The following PRELID2 variants were observed in gnomAD, a reference collection of about 807,000 sequenced individuals.
PRELID2 encodes PRELI domain-containing protein 2.
A neutral mutation model predicts 28.4 loss-of-function variants in PRELID2; 25 were observed. That is an observed-to-expected ratio of 0.88 (90% CI 0.64 to 1.23). The LOEUF (loss-of-function observed/expected upper bound fraction) is 1.23. Among genes scored for constraint, PRELID2 ranks in the 50% most tolerant of loss-of-function variants. The pLI is 0.00. For synonymous variants in PRELID2, 76 were observed against 71.6 expected (o/e 1.06, Z -0.31); for missense variants, 201 against 214.4 (o/e 0.94, Z 0.39).
chr5:145,344,973 G>C, the PRELID2 span, among the ~76,000 whole-genome samples: 1 of 151,920 alleles, frequency 6.6e-6, no homozygotes, highest in African/African-American at 2.4e-5. Context: ...TCAAGTTAGA[G>C]TCTCCTTTTA....
intron 1 of PRELID2, among the ~76,000 whole-genome samples, chr5:145,698,043 C>T (rs1318895739): frequency 6.6e-6 from 1 of 151,750 alleles, no homozygotes; most frequent in Non-Finnish European, 1.5e-5. Context: ...CAATTCAAAA[C>T]ATAAATGCAA....
the PRELID2 span, among the ~76,000 whole-genome samples, chr5:145,395,798 T>G: frequency 1.1e-4 from 16 of 152,092 alleles, no homozygotes; most frequent in Admixed American, 9.2e-4. Context: ...TGGCTTGGAG[T>G]CATGGAGCCT....
chr5:145,713,478 C>G (rs1452966870), intron 1 of PRELID2, among the ~76,000 whole-genome samples: 2 of 142,448 alleles, frequency 1.4e-5, no homozygotes, highest in Admixed American at 7.1e-5. Context: ...TATACACACA[C>G]TATATATATA....
intron 1 of PRELID2, among the ~76,000 whole-genome samples, chr5:145,652,170 T>C (rs1231248753): frequency 1.3e-5 from 2 of 152,010 alleles, no homozygotes; most frequent in African/African-American, 4.8e-5. Context: ...GAAGATCAAA[T>C]GAATGAAATT....
At chr5:145,598,344 T>A (rs1269082614) in intron 1 of PRELID2, among the ~76,000 whole-genome samples, 1 of 152,118 alleles carries the variant, frequency 6.6e-6, no homozygotes, top group East Asian at 1.9e-4. Context: ...AGTAATAGGG[T>A]GCTGCTGAAC....
At chr5:145,574,503 G>A (rs62392716) in intron 1 of PRELID2, among the ~76,000 whole-genome samples, 1 of 152,152 alleles carries the variant, frequency 6.6e-6, no homozygotes, top group South Asian at 2.1e-4. Context: ...GATGGCACTG[G>A]TGCTAGTGAA....
At chr5:145,237,513 A>G in the PRELID2 span, among the ~76,000 whole-genome samples, 3 of 152,236 alleles carry the variant, frequency 2.0e-5, no homozygotes, top group South Asian at 6.2e-4. Flanking sequence ...AAATTGGCAT[A>G]ATCAATTATT....
At chr5:145,360,337 C>G in the PRELID2 span, among the ~76,000 whole-genome samples, 1 of 152,024 alleles carries the variant, frequency 6.6e-6, no homozygotes, top group Admixed American at 6.6e-5. Context: ...ACAGAGAAGA[C>G]AGAAAAGGCA....
chr5:145,237,577 C>T, the PRELID2 span, among the ~76,000 whole-genome samples: 2 of 152,206 alleles, frequency 1.3e-5, no homozygotes, highest in East Asian at 3.9e-4. Flanking sequence ...GACACGTTTG[C>T]TGGTCTAAAG....
chr5:145,433,629 C>T, the PRELID2 span, among the ~76,000 whole-genome samples: 2 of 152,142 alleles, frequency 1.3e-5, no homozygotes, highest in South Asian at 2.1e-4. Context: ...GGTACCCTCT[C>T]CTCAGAGGTC....
chr5:145,445,936 CA>C, the PRELID2 span, among the ~76,000 whole-genome samples: 9 of 151,992 alleles, frequency 5.9e-5, no homozygotes, highest in South Asian at 2.1e-4. Context: ...AGTGATTTTA[CA>C]GTGGTAAACA....
At chr5:145,682,826 T>G (rs1754963636) in intron 1 of PRELID2, among the ~76,000 whole-genome samples, 1 of 152,176 alleles carries the variant, frequency 6.6e-6, no homozygotes, top group Non-Finnish European at 1.5e-5. Flanking sequence ...TTTCACCATA[T>G]GCAAAGGGCT....
chr5:145,563,824 T>C (rs987255766), intron 1 of PRELID2, among the ~76,000 whole-genome samples: 4 of 152,322 alleles, frequency 2.6e-5, no homozygotes, highest in South Asian at 2.1e-4. Context: ...TATAGTTACA[T>C]ACAATGAGTA....
chr5:145,616,705 C>T (rs1172748267), intron 1 of PRELID2, among the ~76,000 whole-genome samples: 3 of 152,056 alleles, frequency 2.0e-5, no homozygotes, highest in East Asian at 1.9e-4. Flanking sequence ...GGAGGCAGGG[C>T]GAGATCACAG....
chr5:145,297,028 T>C, the PRELID2 span, among the ~76,000 whole-genome samples: 1 of 152,112 alleles, frequency 6.6e-6, no homozygotes, highest in African/African-American at 2.4e-5. Context: ...CGCCCACTTT[T>C]TGATGGGGTT....
At chr5:145,681,398 G>A (rs1002853233) in intron 1 of PRELID2, among the ~76,000 whole-genome samples, 11 of 152,112 alleles carry the variant, frequency 7.2e-5, no homozygotes, top group African/African-American at 2.4e-4. Flanking sequence ...AACACTCTGA[G>A]AGTAAAATCC....
the PRELID2 span, among the ~76,000 whole-genome samples, chr5:145,448,248 T>C: frequency 3.3e-5 from 5 of 151,900 alleles, no homozygotes; most frequent in South Asian, 8.3e-4. Context: ...TTTCATGTGT[T>C]TTTTGGCTGC....
At chr5:145,824,469 T>TGTGTGTGTGTGTGA (rs1554100823) in intron 1 of PRELID2, among the ~76,000 whole-genome samples, 45 of 144,218 alleles carry the variant, frequency 3.1e-4, no homozygotes, top group Admixed American at 7.0e-4. Context: ...TGTGTGATAT[T>TGTGTGTGTGTGTGA]GATTTATTAA....
At chr5:145,341,095 C>T in the PRELID2 span, among the ~76,000 whole-genome samples, 1 of 151,514 alleles carries the variant, frequency 6.6e-6, no homozygotes, top group East Asian at 1.9e-4. Context: ...TATAGATCTT[C>T]AGGGAAAAGT....
Sources: gnomAD v4.1 joint callset for allele counts (sites outside exome capture counted in the v4.1 genomes callset) on GRCh38, gnomAD v4.1.1 for gene constraint, MANE v1.5 for transcripts, NCBI Gene and HGNC (gene_info 2026-07-23, HGNC 2026-07-21) for gene names.